Variants in SGSM3 observed in about 807,000 individuals in gnomAD.
The protein encoded by SGSM3 is small G protein signaling modulator 3, also known as RUN and SH3 containing 3.
SGSM3 carries 96 observed loss-of-function variants against 100.5 expected under a neutral mutation model. That is an observed-to-expected ratio of 0.96 (90% CI 0.81 to 1.13). The LOEUF (loss-of-function observed/expected upper bound fraction) is 1.13. Ranked by LOEUF, SGSM3 falls within the 50% of genes most tolerant of loss-of-function variation. SGSM3 has a pLI of 0.00. For synonymous variants in SGSM3, 483 were observed against 422.8 expected, an observed-to-expected ratio of 1.14 and a Z score of -1.75; for missense variants, 1,001 against 1,015.8, an observed-to-expected ratio of 0.99 and a Z score of 0.20.
Position 40,401,671 on chromosome 22 carries a change from C to T in SGSM3, c.86C>T (p.Thr29Met), listed in dbSNP as rs1282081724. ...CCCCAGGAGATCTTGGCCAAGTACACGCAGGTATAGCAGTTAGCCAGGCAC... is the reference window on the plus strand; with the variant it reads ...CCCCAGGAGATCTTGGCCAAGTACATGCAGGTATAGCAGTTAGCCAGGCAC... ...IWPQEILAKY[T>M]QKEESAEQPE... The change falls in exon 3 of 22, where the codon ACG becomes ATG. Residue 29 changes from threonine to methionine, a missense_variant. Transcript: ENST00000248929. The T allele has an allele frequency of 8.7e-6, 14 of 1,612,164 alleles. No individual in the cohort carries two copies. Among genetic ancestry groups the T allele is most frequent in the Non-Finnish European group, 1.1e-5 (13 of 1,178,800 alleles).
Position 40,404,275 on chromosome 22 carries a change from G to A in SGSM3, c.186G>A (p.Leu62=). 6.6e-7 allele frequency: 1 copy of A among 1,520,800 alleles called. No individual in the cohort carries two copies. Among genetic ancestry groups the A allele is most frequent in the Non-Finnish European group, 8.8e-7 (1 of 1,133,844 alleles). The allele number at this position is 1,520,800 out of a possible 1,614,324, so 94.2% of individuals were successfully genotyped here. The change falls in exon 5 of 22, where the codon CTG becomes CTA. Residue 62 remains leucine, a synonymous_variant. Transcript: ENST00000248929. ...GTGATGAGCCTGGCTCCAGTCTGCT[G>A]GCGAACTCCCCTCTGATGGAGGATG... The part of the protein sequence containing the change: ...EEGDEPGSSL[L]ANSPLMEDAP...
chr22:40,400,843 G>T, intron 2 of SGSM3, 30 bp downstream of exon 2: 1 of 1,525,924 alleles, frequency 6.6e-7, no homozygotes, highest in Non-Finnish European at 8.8e-7. Flanking sequence ...TTGGAAACGG[G>T]GTTTGAAGCT....
Position 40,408,421 on chromosome 22 carries a change from A to G in SGSM3, c.1774A>G (p.Ile592Val). ...GGGCGCCTGCCACCCCTGGCTGTTT[A>G]TCGAGGAGGTAAGTCAGTGGCTGGG... ...LGGACHPWLF[I>V]EEAAGREVER... The change falls in exon 16 of 22, where the codon ATC (isoleucine) becomes GTC (valine). Residue 592 changes from isoleucine to valine, a missense_variant. Coordinates refer to ENST00000248929, the MANE Select transcript of SGSM3 (RefSeq NM_015705.6). 2 of 1,613,402 alleles carry G rather than the reference A, an allele frequency of 1.2e-6. No individual in the cohort carries two copies. Among genetic ancestry groups the G allele is most frequent in the Non-Finnish European group, 8.5e-7 (1 of 1,179,938 alleles).
At chr22:40,382,749 T>C (rs993425938) in intron 1 of SGSM3, among the ~76,000 whole-genome samples, 1 of 152,234 alleles carries the variant, frequency 6.6e-6, no homozygotes, top group African/African-American at 2.4e-5. Flanking sequence ...CGTTATATTG[T>C]GTTAGCCCAT....
intron 1 of SGSM3, among the ~76,000 whole-genome samples, chr22:40,391,357 C>G (rs1033679469): frequency 6.6e-6 from 1 of 152,164 alleles, no homozygotes; most frequent in Non-Finnish European, 1.5e-5. Flanking sequence ...TCTATAATCC[C>G]AGCACTTTGG....
In SGSM3 at chr22:40,406,512, G is replaced by C. The variant is rs367941258; in HGVS notation, c.1035G>C (p.Glu345Asp). The stretch of plus-strand genomic sequence containing the variant: ...TATCGGATATCCCGTCGCAGATGGA[G>C]GACGCGGAGCTGCTTCTGGGGGTGG... ...NTLSDIPSQM[E>D]DAELLLGVAM... Residue 345 changes from glutamate to aspartate, a missense_variant, in exon 10 of 22, where the codon GAG (glutamate) becomes GAC (aspartate). Transcript: ENST00000248929. 2.5e-6 allele frequency: 4 copies of C among 1,612,462 alleles called. No homozygotes were observed. The highest frequency in any genetic ancestry group is 1.3e-5 in the African/African-American group (1 of 74,936).
intron 1 of SGSM3, among the ~76,000 whole-genome samples, chr22:40,394,645 CAA>C (rs34700924): frequency 6.2e-4 from 52 of 84,086 alleles, no homozygotes; most frequent in Middle Eastern, 6.0e-3. Context: ...ACTCCTGTCT[CAA>C]AAAAAAAAAA....
chr22:40,408,980 G>A lies in SGSM3; in HGVS notation c.1950G>A (p.Met650Ile), dbSNP rs1037386567. 6.3e-7 allele frequency: 1 copy of A among 1,591,986 alleles called. No homozygotes were observed. Among genetic ancestry groups the A allele is most frequent in the Non-Finnish European group, 8.6e-7 (1 of 1,169,042 alleles). ...CCCACGATGCAGTGCATGCACAAAT[G>A]GATGTGAAGCTCCGCTCACTGATCT... The part of the protein sequence containing the change: ...NVTHDAVHAQ[M>I]DVKLRSLICV... The change falls in exon 19 of 22, where the codon ATG (methionine) becomes ATA (isoleucine). Residue 650 changes from methionine (M) to isoleucine (I), a missense_variant. Physicochemically the swap from Met to Ile is conservative, Grantham distance 10. Coordinates refer to ENST00000248929, the MANE Select transcript of SGSM3 (RefSeq NM_015705.6).
intron 1 of SGSM3, among the ~76,000 whole-genome samples, chr22:40,400,265 G>C (rs2050572480): frequency 6.6e-6 from 1 of 152,208 alleles, no homozygotes; most frequent in Non-Finnish European, 1.5e-5. Context: ...AACTTGTCTT[G>C]AAATCTTTCA....
At chr22:40,374,146 G>A (rs1460504858) in intron 1 of SGSM3, among the ~76,000 whole-genome samples, 3 of 151,684 alleles carry the variant, frequency 2.0e-5, no homozygotes, top group South Asian at 2.1e-4. Context: ...TAGTAGAGAC[G>A]GGGCTTCACC....
At position 40,380,703 on chromosome 22, in the gene SGSM3, A is replaced by G. The variant is rs764814611; in HGVS notation, c.-112+10015A>G. Among the ~76,000 whole-genome samples the G allele has an allele frequency of 4.5e-4, 68 of 152,260 alleles. No individual in the cohort carries two copies. The Middle Eastern group carries it at 0.017, about 38-fold the overall frequency. ...GTAATCCCAGCACTTTGGGAGGCCAAGGTAGGATGACTGATTGAGCCCAGG... is the reference window on the plus strand; with the variant it reads ...GTAATCCCAGCACTTTGGGAGGCCAGGGTAGGATGACTGATTGAGCCCAGG... On this transcript the variant is annotated intron_variant, in intron 1 of 21. Coordinates refer to ENST00000248929, the MANE Select transcript of SGSM3 (RefSeq NM_015705.6).
Position 40,410,038 on chromosome 22 carries a change from A to G in SGSM3, c.*279A>G, listed in dbSNP as rs1252865668. On this transcript the variant is annotated 3_prime_UTR_variant, in exon 22 of 22. Coordinates refer to ENST00000248929, the MANE Select transcript of SGSM3 (RefSeq NM_015705.6). ...CCATGTCTGTGCTCAGGAAGAGGGA[A>G]GGGGATGGGGGTGGCTAGTAGGCTC... 8.4e-6 allele frequency: 11 copies of G among 1,310,828 alleles called. No individual in the cohort carries two copies. Among genetic ancestry groups the G allele is most frequent in the African/African-American group, 1.5e-5 (1 of 65,458 alleles). The allele number at this position is 1,310,828 out of a possible 1,614,324, so 81.2% of individuals were successfully genotyped here.
intron 18 of SGSM3, 38 bp from the exon 19 acceptor site, chr22:40,408,895 G>A: frequency 6.2e-7 from 1 of 1,613,866 alleles, no homozygotes; most frequent in Non-Finnish European, 8.5e-7. Flanking sequence ...GTTAGCCTGT[G>A]GGGGAGCCTG....
intron 1 of SGSM3, among the ~76,000 whole-genome samples, chr22:40,381,462 A>C (rs1465854758): frequency 1.3e-5 from 2 of 152,192 alleles, no homozygotes; most frequent in African/African-American, 4.8e-5. Context: ...AGGCATTTTA[A>C]CGATGCAAGA....
chr22:40,408,606 C>G (rs1026885035), intron 16 of SGSM3, 21 bp from the exon 17 acceptor site: 19 of 1,613,348 alleles, frequency 1.2e-5, no homozygotes, highest in Admixed American at 8.3e-5. Flanking sequence ...CCTGCACTCA[C>G]ACCGTGTGCT....
intron 4 of SGSM3, among the ~76,000 whole-genome samples, chr22:40,403,680 G>T (rs748493828): frequency 6.6e-6 from 1 of 152,196 alleles, no homozygotes; most frequent in Admixed American, 6.5e-5. Context: ...CTGAGGGAGC[G>T]CTGGAAAGCC....
chr22:40,393,984 A>G (rs370215585), intron 1 of SGSM3, among the ~76,000 whole-genome samples: 13 of 152,266 alleles, frequency 8.5e-5, no homozygotes, highest in East Asian at 3.9e-4. Flanking sequence ...AACACAACAC[A>G]CTATTCGTTT....
At chr22:40,386,420 T>C (rs1261815948) in intron 1 of SGSM3, among the ~76,000 whole-genome samples, 1 of 152,144 alleles carries the variant, frequency 6.6e-6, no homozygotes, top group African/African-American at 2.4e-5. Context: ...ATGATGCTGA[T>C]CTGAATGTAA....
rs1306079749 is a variant in SGSM3 at position 40,372,760 on chromosome 22, G to A, written c.-112+2072G>A. 6 of 152,292 alleles carry A rather than the reference G, an allele frequency of 3.9e-5. No homozygotes were observed. The East Asian group carries it at 7.7e-4, about 20-fold the overall frequency. The allele number at this position is 152,292 out of a possible 1,614,324, so 9.4% of individuals were successfully genotyped here. On this transcript the variant is annotated intron_variant, in intron 1 of 21. Transcript: ENST00000248929. ...GTAGGAACAGCCTGCTGGCTCAGAA[G>A]CTTAAAAAAAGCTCTGTGTGTTTTC...
Sources: allele counts gnomAD v4.1 joint callset (sites outside exome capture counted in the v4.1 genomes callset), GRCh38; gene constraint gnomAD v4.1.1; transcripts MANE v1.5; gene names NCBI Gene and HGNC (gene_info 2026-07-23, HGNC 2026-07-21).